Variants in STIM2 observed in about 807,000 individuals in gnomAD.
The protein encoded by STIM2 is stromal interaction molecule 2.
In STIM2, 31 loss-of-function variants were observed where a neutral mutation model predicts 85.8. That is an observed-to-expected ratio of 0.36 (90% CI 0.27 to 0.49). The LOEUF is 0.49. STIM2 is among the 20% of genes least tolerant of loss of function. The pLI is 0.98. For synonymous variants in STIM2, 356 were observed against 331.1 expected, an observed-to-expected ratio of 1.08 and a Z score of -0.82; for missense variants, 841 against 927.6, an observed-to-expected ratio of 0.91 and a Z score of 1.21.
intron 1 of STIM2, among the ~76,000 whole-genome samples, chr4:26,911,128 T>G (rs543281891): frequency 1.3e-5 from 2 of 152,072 alleles, no homozygotes; most frequent in East Asian, 3.9e-4. Flanking sequence ...TCCCAGCTAC[T>G]CAGGAGGCTG....
At chr4:26,900,290 T>C (rs1723870048) in intron 1 of STIM2, among the ~76,000 whole-genome samples, 1 of 152,142 alleles carries the variant, frequency 6.6e-6, no homozygotes, top group Non-Finnish European at 1.5e-5. Flanking sequence ...TACTAGGTAA[T>C]TGAGAGAAGC....
intron 2 of STIM2, among the ~76,000 whole-genome samples, chr4:26,945,874 T>C (rs2109084950): frequency 6.6e-6 from 1 of 152,278 alleles, no homozygotes; most frequent in African/African-American, 2.4e-5. Flanking sequence ...TTAACAAGCC[T>C]GTGAACCTAA....
Position 26,861,168 on chromosome 4 carries a change from A to C in STIM2, c.-51A>C, listed in dbSNP as rs1722163726. On this transcript the variant is annotated 5_prime_UTR_variant, in exon 1 of 12. Coordinates refer to ENST00000467087, the MANE Select transcript of STIM2 (RefSeq NM_020860.4). ...TCCTCGGCGCCTTCATCCCGCCTCG[A>C]CTCCTGGCCCAGCGTGGGGCTGGCT... 1.4e-6 allele frequency: 2 copies of C among 1,380,564 alleles called. No homozygotes were observed. The highest frequency in any genetic ancestry group is 9.4e-7 in the Non-Finnish European group (1 of 1,065,396). The allele number at this position is 1,380,564 out of a possible 1,614,324, so 85.5% of individuals were successfully genotyped here.
intron 2 of STIM2, among the ~76,000 whole-genome samples, chr4:26,940,521 T>G (rs1051589724): frequency 6.6e-6 from 1 of 152,160 alleles, no homozygotes; most frequent in African/African-American, 2.4e-5. Flanking sequence ...AAACACTGAT[T>G]CTTATTTCTC....
intron 1 of STIM2, among the ~76,000 whole-genome samples, chr4:26,875,299 G>A (rs1427270947): frequency 2.0e-5 from 3 of 151,964 alleles, no homozygotes; most frequent in African/African-American, 7.3e-5. Context: ...CACATATGCC[G>A]GTCCTCTGAA....
chr4:26,986,747 A>G (rs566273401), intron 3 of STIM2, among the ~76,000 whole-genome samples: 3 of 152,216 alleles, frequency 2.0e-5, no homozygotes, highest in Non-Finnish European at 4.4e-5. Flanking sequence ...TTAAAGTGAG[A>G]TATCAGGCAG....
intron 2 of STIM2, among the ~76,000 whole-genome samples, chr4:26,930,016 T>A (rs1312401362): frequency 6.6e-6 from 1 of 152,086 alleles, no homozygotes; most frequent in Non-Finnish European, 1.5e-5. Context: ...TAAAACTGAA[T>A]TTGGAGTACT....
At chr4:27,021,393 C>G in intron 11 of STIM2, 1 of 442,170 alleles carries the variant, frequency 2.3e-6, no homozygotes, top group South Asian at 1.6e-5. Flanking sequence ...ACCTGCGTAC[C>G]CTGGAGAAGT....
intron 2 of STIM2, among the ~76,000 whole-genome samples, chr4:26,927,844 A>G (rs909911991): frequency 7.4e-6 from 1 of 135,792 alleles, no homozygotes; most frequent in African/African-American, 3.1e-5. Context: ...TATAAATTAT[A>G]TATTAATATA....
chr4:26,936,475 A>G (rs867292692), intron 2 of STIM2, among the ~76,000 whole-genome samples: 14 of 152,156 alleles, frequency 9.2e-5, no homozygotes, highest in Non-Finnish European at 1.3e-4. Flanking sequence ...TCTAATCTCT[A>G]TGCTTGAGTT....
In STIM2 at chr4:27,003,099, G is replaced by C; in HGVS notation, c.976G>C (p.Glu326Gln). 6.4e-7 allele frequency: 1 copy of C among 1,570,460 alleles called. No homozygotes were observed. The highest frequency in any genetic ancestry group is 1.2e-5 in the South Asian group (1 of 81,742). ...ACGTCAGTATGCAGAACAGGAATTG[G>C]AACAGGTATTTACATTAAAAAAAAA... is the stretch of plus-strand genomic sequence containing the variant. The change falls in exon 7 of 12, where the codon GAA becomes CAA. Residue 326 changes from glutamate to glutamine, a missense_variant. By Grantham distance (29) the Glu-to-Gln change is conservative. Transcript: ENST00000467087.
intron 3 of STIM2, among the ~76,000 whole-genome samples, chr4:26,958,287 T>C (rs1346325847): frequency 1.3e-5 from 2 of 152,182 alleles, no homozygotes; most frequent in African/African-American, 4.8e-5. Context: ...TGGTTCCATA[T>C]ACTAGGAAGT....
At chr4:26,956,564 C>T (rs527998323) in intron 2 of STIM2, among the ~76,000 whole-genome samples, 1 of 151,870 alleles carries the variant, frequency 6.6e-6, no homozygotes, top group African/African-American at 2.4e-5. Context: ...CTGCCTCAGC[C>T]TATCTCTCTC....
chr4:26,908,341 A>G (rs568284385), intron 1 of STIM2, among the ~76,000 whole-genome samples: 2 of 152,246 alleles, frequency 1.3e-5, no homozygotes, highest in Non-Finnish European at 2.9e-5. Context: ...GAATTTCAAC[A>G]AAACAGTTAA....
At chr4:27,021,580 C>G (rs1189290842) in intron 11 of STIM2, 1 of 456,524 alleles carries the variant, frequency 2.2e-6, no homozygotes, top group African/African-American at 2.0e-5. Flanking sequence ...GGATCTTACT[C>G]TGAGTATGAG....
chr4:26,927,800 T>C (rs956355875), intron 2 of STIM2, among the ~76,000 whole-genome samples: 2 of 142,980 alleles, frequency 1.4e-5, no homozygotes, highest in South Asian at 4.3e-4. Context: ...ATAAATATAA[T>C]GTAATTATAA....
At position 26,941,576 on chromosome 4, in the gene STIM2, G is replaced by A. The variant is rs1725613173; in HGVS notation, c.283-16036G>A. Among the ~76,000 whole-genome samples, 3 of 152,106 alleles carry A rather than the reference G, an allele frequency of 2.0e-5. No individual in the cohort carries two copies. The South Asian group carries it at 6.2e-4, about 32-fold the overall frequency. On this transcript the variant is annotated intron_variant, in intron 2 of 11. Coordinates refer to ENST00000467087, the MANE Select transcript of STIM2 (RefSeq NM_020860.4). ...TTCATGTTCAAAGAAATGGGTTATA[G>A]TTATTACCCTGAATCTCACTGATGG...
intron 2 of STIM2, among the ~76,000 whole-genome samples, chr4:26,954,323 A>G (rs1352889212): frequency 1.3e-5 from 2 of 152,088 alleles, no homozygotes; most frequent in East Asian, 1.9e-4. Context: ...TTCAGTAGTC[A>G]TTTATTTGCT....
chr4:26,944,555 C>T (rs999776973), intron 2 of STIM2, among the ~76,000 whole-genome samples: 1 of 152,006 alleles, frequency 6.6e-6, no homozygotes, highest in Non-Finnish European at 1.5e-5. Context: ...TATCTCAATG[C>T]AAATTAAAAT....
Sources: allele counts gnomAD v4.1 joint callset (sites outside exome capture counted in the v4.1 genomes callset), GRCh38; gene constraint gnomAD v4.1.1; transcripts MANE v1.5; gene names NCBI Gene and HGNC (gene_info 2026-07-23, HGNC 2026-07-21).